The following SLC25A42 variants were observed in gnomAD, a reference collection of about 807,000 sequenced individuals.
SLC25A42 encodes the protein solute carrier family 25 member 42, also known as mitochondrial coenzyme A transporter SLC25A42.
In SLC25A42, 19 loss-of-function variants were observed where a neutral mutation model predicts 34.7. That is an observed-to-expected ratio of 0.55 (90% CI 0.38 to 0.80). The LOEUF (loss-of-function observed/expected upper bound fraction) is 0.80, where lower values mean the gene tolerates loss of function less well. SLC25A42 is among the 30% of genes least tolerant of loss of function. The pLI, the probability that SLC25A42 is intolerant of heterozygous loss-of-function variation, is 0.00. For synonymous variants in SLC25A42, 205 were observed against 191.2 expected, an observed-to-expected ratio of 1.07 and a Z score of -0.59; for missense variants, 364 against 441.3, an observed-to-expected ratio of 0.82 and a Z score of 1.57.
intron 1 of SLC25A42, among the ~76,000 whole-genome samples, chr19:19,069,524 C>T (rs1364025862): frequency 6.6e-6 from 1 of 152,226 alleles, no homozygotes; most frequent in East Asian, 1.9e-4. Flanking sequence ...CTTCTGGAGG[C>T]TCTGAGGGAG....
Position 19,111,097 on chromosome 19 carries a change from G to A in SLC25A42, c.*221G>A, listed in dbSNP as rs1294658473. 1.7e-6 allele frequency: 1 copy of A among 584,626 alleles called. No homozygotes were observed. The highest frequency in any genetic ancestry group is 3.0e-6 in the Non-Finnish European group (1 of 332,690). The allele number at this position is 584,626 out of a possible 1,614,324, so 36.2% of individuals were successfully genotyped here. A position where few individuals can be genotyped will look rare whatever the true frequency, so the allele number is the denominator to read the frequency against. ...TTGGGGCGATGGTGTGGGGGGTCCC[G>A]CAGCTCCCCTCTTCCTTCCTCTGCA... On this transcript the variant is annotated 3_prime_UTR_variant, in exon 8 of 8. Transcript: ENST00000318596.
chr19:19,091,952 G>A (rs2059740165), intron 1 of SLC25A42, among the ~76,000 whole-genome samples: 1 of 152,204 alleles, frequency 6.6e-6, no homozygotes, highest in Admixed American at 6.5e-5. Flanking sequence ...GTGCCCTGGG[G>A]CCCTCTTCCT....
intron 5 of SLC25A42, 56 bp downstream of exon 5, chr19:19,105,783 T>A: frequency 7.7e-7 from 1 of 1,293,308 alleles, no homozygotes; most frequent in Non-Finnish European, 1.0e-6. Flanking sequence ...CGCCCCTCTC[T>A]CTTTCTTCTG....
intron 1 of SLC25A42, among the ~76,000 whole-genome samples, chr19:19,067,740 G>C (rs756146221): frequency 6.6e-6 from 1 of 151,338 alleles, no homozygotes; most frequent in Non-Finnish European, 1.5e-5. Flanking sequence ...TTTTCACTTG[G>C]GTCTAGGAAA....
chr19:19,110,752 A>AG lies in SLC25A42; in HGVS notation c.836dup (p.Ala280ArgfsTer68). ...ACGCTGCGCACCATCGTGCGGGAGG[A>AG]GGGCGCCGTGCGCGGCCTCTACAAA... On this transcript the variant is annotated frameshift_variant, in exon 8 of 8. Coordinates refer to ENST00000318596, the MANE Select transcript of SLC25A42 (RefSeq NM_178526.5). LOFTEE classifies it high-confidence loss of function. 4 of 1,612,606 alleles carry AG rather than the reference A, an allele frequency of 2.5e-6. No homozygotes were observed. The highest frequency in any genetic ancestry group is 3.4e-6 in the Non-Finnish European group (4 of 1,179,660).
chr19:19,084,441 G>C (rs984817902), intron 1 of SLC25A42, among the ~76,000 whole-genome samples: 1 of 152,208 alleles, frequency 6.6e-6, no homozygotes, highest in Non-Finnish European at 1.5e-5. Flanking sequence ...CATCCCCAGA[G>C]GGTAATGGAG....
At chr19:19,086,879 T>G (rs1482548552) in intron 1 of SLC25A42, among the ~76,000 whole-genome samples, 3 of 152,160 alleles carry the variant, frequency 2.0e-5, no homozygotes, top group Non-Finnish European at 2.9e-5. Flanking sequence ...TCTGATATAT[T>G]TACTTTGATA....
intron 1 of SLC25A42, among the ~76,000 whole-genome samples, chr19:19,088,866 G>A (rs546685364): frequency 7.3e-5 from 11 of 150,218 alleles, no homozygotes; most frequent in South Asian, 6.3e-4. Flanking sequence ...GGAGTGCAGC[G>A]GCACGATCTT....
intron 1 of SLC25A42, among the ~76,000 whole-genome samples, chr19:19,064,960 A>G (rs2059593767): frequency 6.6e-6 from 1 of 152,170 alleles, no homozygotes; most frequent in Non-Finnish European, 1.5e-5. Flanking sequence ...CCAAACCGGA[A>G]TCATCTCCAT....
At chr19:19,068,356 A>G (rs891298405) in intron 1 of SLC25A42, among the ~76,000 whole-genome samples, 55 of 138,686 alleles carry the variant, frequency 4.0e-4, no homozygotes, top group African/African-American at 1.6e-3. Context: ...CTCTGTCTCA[A>G]AAAAAAAAAA....
chr19:19,102,167 C>G (rs1401749985), intron 3 of SLC25A42, among the ~76,000 whole-genome samples: 1 of 151,908 alleles, frequency 6.6e-6, no homozygotes, highest in Non-Finnish European at 1.5e-5. Flanking sequence ...CGCCACCATG[C>G]CCGGCCAATT....
chr19:19,103,005 C>T (rs926862832), intron 3 of SLC25A42, among the ~76,000 whole-genome samples: 6 of 152,236 alleles, frequency 3.9e-5, no homozygotes, highest in South Asian at 4.2e-4. Flanking sequence ...GGCTTGTGGC[C>T]GCATGGCTCC....
chr19:19,078,174 A>C (rs926661672), intron 1 of SLC25A42, among the ~76,000 whole-genome samples: 10 of 152,152 alleles, frequency 6.6e-5, no homozygotes, highest in African/African-American at 2.4e-4. Context: ...CCTCTATGGC[A>C]GGTGTGGCTT....
chr19:19,066,045 C>T (rs1470736623), intron 1 of SLC25A42, among the ~76,000 whole-genome samples: 1 of 151,908 alleles, frequency 6.6e-6, no homozygotes, highest in African/African-American at 2.4e-5. Flanking sequence ...TTAATAGAAA[C>T]GGGGTTTCAC....
Position 19,106,651 on chromosome 19 carries a change from G to C in SLC25A42, c.497+266G>C, listed in dbSNP as rs868071976. Reference sequence around the variant, plus strand: ...ATGCAGTAAAAATATGTAAGAATACGGCCGGGCACGGTGGCTCACGCCTGT... The same window carrying C: ...ATGCAGTAAAAATATGTAAGAATACCGCCGGGCACGGTGGCTCACGCCTGT... On this transcript the variant is annotated intron_variant, in intron 6 of 7. Coordinates refer to ENST00000318596, the MANE Select transcript of SLC25A42 (RefSeq NM_178526.5). 1.0e-4 allele frequency: 26 copies of C among 257,542 alleles called. 1 individual carries two copies. In the Middle Eastern group the frequency reaches 9.8e-3, roughly 97 times the overall value. 16.0% of individuals were successfully genotyped at this position (257,542 alleles called of 1,614,324 possible).
intron 1 of SLC25A42, among the ~76,000 whole-genome samples, chr19:19,079,557 T>G (rs1273164895): frequency 1.3e-5 from 2 of 152,202 alleles, no homozygotes; most frequent in Non-Finnish European, 2.9e-5. Context: ...TATCGTGTTT[T>G]TGAGGTTCAT....
chr19:19,074,227 G>A (rs1031818540), intron 1 of SLC25A42, among the ~76,000 whole-genome samples: 1 of 152,216 alleles, frequency 6.6e-6, no homozygotes, highest in Non-Finnish European at 1.5e-5. Flanking sequence ...AACAAGGGTT[G>A]CCTTAACCAA....
At chr19:19,082,356 ATCTT>A (rs1400795040) in intron 1 of SLC25A42, among the ~76,000 whole-genome samples, 15 of 152,034 alleles carry the variant, frequency 9.9e-5, no homozygotes, top group African/African-American at 3.6e-4. Flanking sequence ...TCCTGCGTCT[ATCTT>A]TGTTCGTTCT....
intron 1 of SLC25A42, among the ~76,000 whole-genome samples, chr19:19,089,675 C>T (rs2059727617): frequency 6.6e-6 from 1 of 151,994 alleles, no homozygotes; most frequent in Non-Finnish European, 1.5e-5. Flanking sequence ...TGAGACCAGC[C>T]TGCCCAACAT....
Sources: gnomAD v4.1 joint callset for allele counts (sites outside exome capture counted in the v4.1 genomes callset) on GRCh38, gnomAD v4.1.1 for gene constraint, MANE v1.5 for transcripts, NCBI Gene and HGNC (gene_info 2026-07-23, HGNC 2026-07-21) for gene names.